RAP1GDS1: variants seen among roughly 807,000 people sequenced by gnomAD.
The protein encoded by RAP1GDS1 is Rap1 GTPase-GDP dissociation stimulator 1.
RAP1GDS1 carries 35 observed loss-of-function variants against 71.1 expected under a neutral mutation model. The ratio of observed to expected loss-of-function variants is 0.49; its 90% CI spans 0.38 to 0.65. RAP1GDS1 has a LOEUF of 0.65. Ranked by LOEUF, RAP1GDS1 falls within the 30% of genes least tolerant of loss-of-function variation. RAP1GDS1 has a pLI of 0.00. For synonymous variants in RAP1GDS1, 229 were observed against 243.1 expected (o/e 0.94, Z 0.54); for missense variants, 663 against 706.1 (o/e 0.94, Z 0.69).
Position 98,399,049 on chromosome 4 carries a change from T to C in RAP1GDS1, c.638-5428T>C, listed in dbSNP as rs546847464. On this transcript the variant is annotated intron_variant, in intron 6 of 14. Transcript: ENST00000408927. ...CCCTGTCAAAATACCAATGACTTTT[T>C]TTTTGTGGAGATAGAAAAAAGTAGC... 5.9e-5 allele frequency among the ~76,000 whole-genome samples: 9 copies of C among 152,096 alleles called. No homozygotes were observed. The East Asian group carries it at 1.2e-3, about 20-fold the overall frequency.
chr4:98,321,344 T>C (rs1731853980), intron 2 of RAP1GDS1, among the ~76,000 whole-genome samples: 1 of 147,754 alleles, frequency 6.8e-6, no homozygotes, highest in South Asian at 2.3e-4. Context: ...TGGAAAACAC[T>C]CTGCAGGATA....
At chr4:98,298,518 T>C (rs749036921) in intron 2 of RAP1GDS1, among the ~76,000 whole-genome samples, 8 of 152,182 alleles carry the variant, frequency 5.3e-5, no homozygotes, top group Non-Finnish European at 2.9e-5. Context: ...TAAATTTCTC[T>C]GCCTGTTCTC....
At chr4:98,308,297 C>CACTATA (rs1239038228) in intron 2 of RAP1GDS1, among the ~76,000 whole-genome samples, 1 of 73,200 alleles carries the variant, frequency 1.4e-5, no homozygotes, top group South Asian at 6.2e-4. Context: ...CACACACACA[C>CACTATA]TATATATATA....
At chr4:98,424,770 C>CA (rs1157760868) in intron 12 of RAP1GDS1, among the ~76,000 whole-genome samples, 23,009 of 83,224 alleles carry the variant, frequency 0.28, 2,062 homozygotes, top group East Asian at 0.48. Flanking sequence ...ACTCTGTCTC[C>CA]AAAAAAAAAA....
Position 98,434,040 on chromosome 4 carries a change from A to G in RAP1GDS1, c.1545A>G (p.Ala515=), listed in dbSNP as rs1578876206. 1.9e-6 allele frequency: 3 copies of G among 1,613,948 alleles called. No individual in the cohort carries two copies. The highest frequency in any genetic ancestry group is 2.5e-6 in the Non-Finnish European group (3 of 1,179,860). ...AGAATGAAGCTCTTGTTGCTTTGGC[A>G]TTAATAGCAGCTTTAGAATTGGGTA... ...IMQNEALVAL[A]LIAALELGTA... is the part of the protein sequence containing the mutation. The change falls in exon 13 of 15, where the codon GCA becomes GCG. Residue 515 remains alanine, a synonymous_variant. Coordinates refer to ENST00000408927, the MANE Select transcript of RAP1GDS1 (RefSeq NM_001100427.2).
At chr4:98,325,500 T>C (rs1022977390) in intron 2 of RAP1GDS1, among the ~76,000 whole-genome samples, 3 of 151,642 alleles carry the variant, frequency 2.0e-5, no homozygotes, top group African/African-American at 7.3e-5. Context: ...TTATTCACAA[T>C]AGCAAAGACT....
chr4:98,325,091 C>A lies in RAP1GDS1; in HGVS notation c.113-18048C>A, dbSNP rs1161016917. 1.6e-4 allele frequency among the ~76,000 whole-genome samples: 25 copies of A among 151,652 alleles called. No individual in the cohort carries two copies. In the East Asian group the frequency reaches 4.5e-3, roughly 27 times the overall value. Reference sequence around the variant, plus strand: ...AATTTACAAGAAAAAGACAAACAACCCCATCAAAAAGTGGGCGAAGGACAT... The same window carrying A: ...AATTTACAAGAAAAAGACAAACAACACCATCAAAAAGTGGGCGAAGGACAT... On this transcript the variant is annotated intron_variant, in intron 2 of 14. Coordinates refer to ENST00000408927, the MANE Select transcript of RAP1GDS1 (RefSeq NM_001100427.2).
chr4:98,409,337 GC>G (rs1200886228), intron 7 of RAP1GDS1: 2 of 152,666 alleles, frequency 1.3e-5, no homozygotes, highest in African/African-American at 4.8e-5. Flanking sequence ...TATTCTGTAG[GC>G]CTTTTAGAAA....
In RAP1GDS1 at chr4:98,377,605, A is replaced by G. The variant is rs1312248329; in HGVS notation, c.362-1412A>G. Among the ~76,000 whole-genome samples, 4 of 149,458 alleles carry G rather than the reference A, an allele frequency of 2.7e-5. No homozygotes were observed. In the East Asian group the frequency reaches 7.8e-4, roughly 29 times the overall value. On this transcript the variant is annotated intron_variant, in intron 4 of 14. Transcript: ENST00000408927. Reference sequence around the variant, plus strand: ...AAATTTTCAAAATTATGAACATAGTATTTCTGAGGTCTTACTATATAATTG... The same window carrying G: ...AAATTTTCAAAATTATGAACATAGTGTTTCTGAGGTCTTACTATATAATTG...
intron 2 of RAP1GDS1, among the ~76,000 whole-genome samples, chr4:98,308,721 C>A (rs1254209548): frequency 6.6e-6 from 1 of 151,964 alleles, no homozygotes; most frequent in Non-Finnish European, 1.5e-5. Flanking sequence ...TAATTTACAT[C>A]CTCCTTTGTG....
chr4:98,269,173 C>CAAA (rs56015226), intron 1 of RAP1GDS1, among the ~76,000 whole-genome samples: 58 of 56,862 alleles, frequency 1.0e-3, no homozygotes, highest in African/African-American at 2.0e-3. Context: ...AATTGATCTT[C>CAAA]AAAAAAAAAA....
At chr4:98,333,888 A>G (rs1335362394) in intron 2 of RAP1GDS1, among the ~76,000 whole-genome samples, 2 of 152,170 alleles carry the variant, frequency 1.3e-5, no homozygotes, top group African/African-American at 2.4e-5. Context: ...GTCTTACCAA[A>G]GAATTATACC....
intron 7 of RAP1GDS1, among the ~76,000 whole-genome samples, chr4:98,406,044 C>CT (rs1325851735): frequency 1.3e-5 from 2 of 151,740 alleles, no homozygotes; most frequent in Non-Finnish European, 2.9e-5. Flanking sequence ...AAGGTGACTA[C>CT]TAAAGTAATT....
intron 4 of RAP1GDS1, 94 bp downstream of exon 4, chr4:98,352,695 T>A: frequency 1.5e-6 from 2 of 1,357,438 alleles, no homozygotes; most frequent in Non-Finnish European, 2.0e-6. Context: ...TTTTCTAGGC[T>A]AAAACACTAA....
intron 3 of RAP1GDS1, among the ~76,000 whole-genome samples, chr4:98,345,094 A>G (rs1280723140): frequency 6.6e-6 from 1 of 152,172 alleles, no homozygotes; most frequent in African/African-American, 2.4e-5. Context: ...TGGCCTCACA[A>G]AGGGCTGGGA....
chr4:98,401,809 C>G (rs1037262935), intron 6 of RAP1GDS1, among the ~76,000 whole-genome samples: 2 of 152,106 alleles, frequency 1.3e-5, no homozygotes, highest in African/African-American at 4.8e-5. Flanking sequence ...CTTATACTGG[C>G]AAACAGAGCC....
chr4:98,386,894 G>A (rs191684988), intron 5 of RAP1GDS1, among the ~76,000 whole-genome samples: 89 of 152,022 alleles, frequency 5.9e-4, no homozygotes, highest in African/African-American at 2.0e-3. Flanking sequence ...CAGTTGTATC[G>A]TTTCTAATTT....
At chr4:98,321,195 A>G (rs1191494343) in intron 2 of RAP1GDS1, among the ~76,000 whole-genome samples, 3 of 142,070 alleles carry the variant, frequency 2.1e-5, no homozygotes, top group Non-Finnish European at 4.6e-5. Context: ...AATGAATGAA[A>G]TGAAGCGAGA....
At chr4:98,275,864 A>G (rs1248662308) in intron 1 of RAP1GDS1, among the ~76,000 whole-genome samples, 2 of 152,070 alleles carry the variant, frequency 1.3e-5, no homozygotes, top group Admixed American at 6.6e-5. Context: ...TTTACTGTAA[A>G]CATGTAAGTT....
Sources: allele counts gnomAD v4.1 joint callset (sites outside exome capture counted in the v4.1 genomes callset), GRCh38; gene constraint gnomAD v4.1.1; transcripts MANE v1.5; gene names NCBI Gene and HGNC (gene_info 2026-07-23, HGNC 2026-07-21).